Variants in WDHD1 observed in about 807,000 individuals in gnomAD.
The protein encoded by WDHD1 is WD repeat and HMG-box DNA binding protein 1.
In WDHD1, 111 loss-of-function variants were observed where a neutral mutation model predicts 135.4. That is an observed-to-expected ratio of 0.82 (90% CI 0.70 to 0.96). WDHD1 has a LOEUF of 0.96. Among genes scored for constraint, WDHD1 ranks in the 40% least tolerant of loss-of-function variants. The probability of loss-of-function intolerance (pLI) is 0.00; values close to 1 mark genes in which losing one functional copy is unlikely to be tolerated. For synonymous variants in WDHD1, 434 were observed against 439.0 expected (o/e 0.99, Z 0.14); for missense variants, 1,351 against 1,336.3 (o/e 1.01, Z -0.17).
intron 2 of WDHD1, among the ~76,000 whole-genome samples, chr14:55,016,238 C>T (rs74359159): frequency 6.9e-4 from 105 of 152,188 alleles, no homozygotes; most frequent in Middle Eastern, 3.4e-3. Context: ...TTATTGATTG[C>T]TATGCTTTTG....
chr14:54,962,381 TA>T, intron 21 of WDHD1, 116 bp downstream of exon 21: 1 of 780,704 alleles, frequency 1.3e-6, no homozygotes, highest in East Asian at 2.5e-5. Flanking sequence ...AACAAAAACA[TA>T]AACACACACA....
chr14:54,993,355 A>G (rs2041822543), intron 11 of WDHD1, among the ~76,000 whole-genome samples: 1 of 152,124 alleles, frequency 6.6e-6, no homozygotes, highest in Admixed American at 6.5e-5. Context: ...CCTGGCCTCA[A>G]GCAATCCTCC....
At position 54,963,179 on chromosome 14, in the gene WDHD1, C is replaced by T; in HGVS notation, c.2311-7G>A. The stretch of plus-strand genomic sequence containing the variant: ...GCTCCAGTTTACAAGAAAGCTAATC[C>T]AAAAAGGGGGGGGGGGGGGAGATCA... On this transcript the variant is annotated splice_polypyrimidine_tract_variant and splice_region_variant and intron_variant, in intron 18 of 25. Coordinates refer to ENST00000360586, the MANE Select transcript of WDHD1 (RefSeq NM_007086.4). 2.5e-6 allele frequency: 2 copies of T among 803,074 alleles called. No individual in the cohort carries two copies. The highest frequency in any genetic ancestry group is 3.2e-6 in the Non-Finnish European group (2 of 620,990). The allele number at this position is 803,074 out of a possible 1,614,324, so 49.7% of individuals were successfully genotyped here.
intron 7 of WDHD1, chr14:55,004,717 T>G: frequency 2.8e-6 from 1 of 360,232 alleles, no homozygotes; most frequent in Non-Finnish European, 5.4e-6. Context: ...CCTCCCAAAG[T>G]GCTGGGATTA....
At chr14:54,965,941 A>G (rs1341946759) in intron 18 of WDHD1, among the ~76,000 whole-genome samples, 2 of 150,246 alleles carry the variant, frequency 1.3e-5, no homozygotes, top group African/African-American at 2.5e-5. Context: ...GAGAAACAAG[A>G]GCGAAACTCC....
Position 54,941,635 on chromosome 14 carries a change from T to C in WDHD1, c.3245A>G (p.Lys1082Arg). ...ETASEGTEAK[K>R]RKRVVDESDE... is the part of the protein sequence containing the mutation. Reference sequence around the variant, plus strand: ...ACTTTCATCAACCACACGTTTTCGCTTCTTTGCTTCAGTTCCTTCACTTGC... The same window carrying C: ...ACTTTCATCAACCACACGTTTTCGCCTCTTTGCTTCAGTTCCTTCACTTGC... Residue 1082 changes from lysine (K) to arginine (R), a missense_variant, in exon 26 of 26, where the codon AAG becomes AGG. By Grantham distance (26) the Lys-to-Arg change is conservative (BLOSUM62 2). Around this residue, in one of 2 missense-constraint regions of WDHD1, gnomAD observed 1,330 missense variants for 1,296.1 expected, o/e 1.03. Coordinates refer to ENST00000360586, the MANE Select transcript of WDHD1 (RefSeq NM_007086.4). The C allele has an allele frequency of 6.2e-7, 1 of 1,614,058 alleles. No individual in the cohort carries two copies. Among genetic ancestry groups the C allele is most frequent in the East Asian group, 2.2e-5 (1 of 44,864 alleles).
At chr14:54,990,931 T>C (rs979015522) in intron 12 of WDHD1, among the ~76,000 whole-genome samples, 31 of 152,174 alleles carry the variant, frequency 2.0e-4, no homozygotes, top group Non-Finnish European at 3.7e-4. Flanking sequence ...GGTTTGAAAG[T>C]ATTGCCAAGA....
At chr14:55,021,323 T>C (rs1431223240) in intron 2 of WDHD1, among the ~76,000 whole-genome samples, 2 of 152,224 alleles carry the variant, frequency 1.3e-5, no homozygotes, top group African/African-American at 4.8e-5. Context: ...ATCTTCTTCC[T>C]TATCACTTGG....
chr14:54,982,534 G>A (rs181199885), intron 15 of WDHD1, among the ~76,000 whole-genome samples: 11 of 152,158 alleles, frequency 7.2e-5, no homozygotes, highest in African/African-American at 2.6e-4. Context: ...AAGCATTCTT[G>A]TTTTCCACCT....
Position 54,987,770 on chromosome 14 carries a change from G to A in WDHD1, c.1527-383C>T, listed in dbSNP as rs151212707. Among the ~76,000 whole-genome samples the A allele has an allele frequency of 6.3e-3, 959 of 152,226 alleles. 9 individuals carry two copies. Among genetic ancestry groups the A allele is most frequent in the African/African-American group, 0.022 (903 of 41,530 alleles). ...GCCTCCCGAGTAGCTGGGACTACAG[G>A]TGGGTGCCACTGCACCTGGTTAATT... On this transcript the variant is annotated intron_variant, in intron 13 of 25. Transcript: ENST00000360586.
rs575332332 is a variant in WDHD1 at position 54,987,142 on chromosome 14, C to A, written c.1768+4G>T. 242 of 1,612,326 alleles carry A rather than the reference C, an allele frequency of 1.5e-4. 2 individuals carry two copies. In the Middle Eastern group the frequency reaches 4.0e-3, roughly 26 times the overall value. ...CAAGTCATAAAAGACTGAAAAAAAT[C>A]TACCTCTGTGATAAACAATGAAAAG... On this transcript the variant is annotated splice_donor_region_variant and intron_variant, in intron 14 of 25. Coordinates refer to ENST00000360586, the MANE Select transcript of WDHD1 (RefSeq NM_007086.4).
rs188365279 is a variant in WDHD1 at position 54,974,825 on chromosome 14, G to A, written c.2063+6715C>T. Among the ~76,000 whole-genome samples, 78 of 152,054 alleles carry A rather than the reference G, an allele frequency of 5.1e-4. 1 individual carries two copies. The highest frequency in any genetic ancestry group is 1.9e-3 in the African/African-American group (78 of 41,508). ...GGATGACAGAATGAGACTCTGTCTC[G>A]AAAAAATAAATAAAAATGCCAAACT... On this transcript the variant is annotated intron_variant, in intron 16 of 25. Transcript: ENST00000360586.
At chr14:55,014,144 T>C (rs1036982794) in intron 2 of WDHD1, among the ~76,000 whole-genome samples, 1 of 152,254 alleles carries the variant, frequency 6.6e-6, no homozygotes, top group Non-Finnish European at 1.5e-5. Context: ...TTCTGTTGCC[T>C]AGGCAGTATC....
chr14:54,950,964 A>G (rs1464883973), intron 24 of WDHD1, among the ~76,000 whole-genome samples: 2 of 152,234 alleles, frequency 1.3e-5, no homozygotes, highest in South Asian at 4.1e-4. Flanking sequence ...ACAAAGACAC[A>G]GCATACCAGA....
chr14:55,021,398 T>G (rs962825558), intron 2 of WDHD1, among the ~76,000 whole-genome samples: 1 of 152,160 alleles, frequency 6.6e-6, no homozygotes, highest in Non-Finnish European at 1.5e-5. Flanking sequence ...TTAGTGTCTA[T>G]TAGCGTTCCT....
rs369038111 is a variant in WDHD1 at position 54,984,787 on chromosome 14, C to A, written c.1842G>T (p.Leu614Phe). The change falls in exon 15 of 26, where the codon TTG becomes TTT. Residue 614 changes from leucine (L) to phenylalanine (F), a missense_variant. Physicochemically the swap from Leu to Phe is conservative, Grantham distance 22. Coordinates refer to ENST00000360586, the MANE Select transcript of WDHD1 (RefSeq NM_007086.4). Reference sequence around the variant, plus strand: ...TTGTAAGAGGAAGAGGGTCACCATGCAAAATTTGTTTTTTCTTTTTCCCCA... The same window carrying A: ...TTGTAAGAGGAAGAGGGTCACCATGAAAAATTTGTTTTTTCTTTTTCCCCA... ...LELGKKKKQI[L>F]HGDPLPLTRK... is the part of the protein sequence containing the mutation. 6.2e-7 allele frequency: 1 copy of A among 1,613,784 alleles called. No homozygotes were observed. Among genetic ancestry groups the A allele is most frequent in the Admixed American group, 1.7e-5 (1 of 59,976 alleles).
rs1292939241 is a variant in WDHD1 at position 54,966,624 on chromosome 14, A to AT, written c.2179-19dup. The AT allele has an allele frequency of 6.3e-7, 1 of 1,593,790 alleles. No individual in the cohort carries two copies. Among genetic ancestry groups the AT allele is most frequent in the South Asian group, 1.1e-5 (1 of 87,092 alleles). ...AATTGCTCCTATAAAAGCAAATAAA[A>AT]TTGCTTAAGGCCAACTATCACCTTA... On this transcript the variant is annotated intron_variant, in intron 17 of 25. Transcript: ENST00000360586.
At chr14:55,005,197 G>A in intron 7 of WDHD1, 1 of 540,684 alleles carries the variant, frequency 1.8e-6, no homozygotes, top group Non-Finnish European at 3.6e-6. Context: ...CTCCCTTGCT[G>A]TTGCATGGGA....
At chr14:54,974,002 C>T (rs1347887081) in intron 16 of WDHD1, among the ~76,000 whole-genome samples, 2 of 151,714 alleles carry the variant, frequency 1.3e-5, no homozygotes, top group African/African-American at 4.8e-5. Flanking sequence ...AAGGAAAAAA[C>T]AAACACATTT....
Sources: allele counts gnomAD v4.1 joint callset (sites outside exome capture counted in the v4.1 genomes callset), GRCh38; gene constraint gnomAD v4.1.1; regional missense constraint gnomAD v4.1.1; transcripts MANE v1.5; gene names NCBI Gene and HGNC (gene_info 2026-07-23, HGNC 2026-07-21).